Variants in GTF3C3 observed in about 807,000 individuals in gnomAD.
The protein encoded by GTF3C3 is general transcription factor 3C polypeptide 3.
In GTF3C3, 75 loss-of-function variants were observed where a neutral mutation model predicts 105.2. That is an observed-to-expected ratio of 0.71 (90% CI 0.59 to 0.86). The LOEUF is 0.86. GTF3C3 is among the 40% of genes least tolerant of loss of function. The pLI is 0.00. For missense variants in GTF3C3, 856 were observed against 1,076.5 expected, an observed-to-expected ratio of 0.80 and a Z score of 2.87; for synonymous variants, 335 against 370.4, an observed-to-expected ratio of 0.90 and a Z score of 1.10.
rs775071101 is a variant in GTF3C3, at chr2:196,776,156, T to C, written c.1594-45A>G. ...ATGATGAGCCTAACAAGATTCCTTTTCTACAAATTGTTTTATTTGCATAGA... is the reference window on the plus strand; with the variant it reads ...ATGATGAGCCTAACAAGATTCCTTTCCTACAAATTGTTTTATTTGCATAGA... On this transcript the variant is annotated intron_variant, in intron 11 of 17. Transcript: ENST00000263956. The surrounding 1 kb of genome is among the most constrained non-coding windows in gnomAD (Gnocchi z 4.5). 9.7e-7 allele frequency: 1 copy of C among 1,029,130 alleles called. No individual in the cohort carries two copies. The highest frequency in any genetic ancestry group is 2.5e-5 in the East Asian group (1 of 40,806). The allele number at this position is 1,029,130 out of a possible 1,614,324, so 63.7% of individuals were successfully genotyped here.
intron 17 of GTF3C3, among the ~76,000 whole-genome samples, 189 bp downstream of exon 17, chr2:196,766,376 G>T (rs1175431198): frequency 6.6e-6 from 1 of 152,182 alleles, no homozygotes; most frequent in East Asian, 1.9e-4. Flanking sequence ...TGTTCATATG[G>T]TTGCTGGTCA....
At chr2:196,798,007 G>T in intron 1 of GTF3C3, 99 bp from the exon 2 acceptor site, 1 of 726,086 alleles carries the variant, frequency 1.4e-6, no homozygotes, top group Non-Finnish European at 2.5e-6. Flanking sequence ...TGCCACTCGG[G>T]CATTTTGTGA....
chr2:196,790,026 C>A lies in GTF3C3; in HGVS notation c.580G>T (p.Glu194Ter). The A allele has an allele frequency of 6.2e-7, 1 of 1,613,144 alleles. No individual in the cohort carries two copies. The highest frequency in any genetic ancestry group is 8.5e-7 in the Non-Finnish European group (1 of 1,179,672). ...GATTTTTCCATGTCACCTTGGTCCT[C>A]ATATATCATGGCTAGAGTAGAGAAT... Reference protein sequence around the residue: ...EPFSTLAMIYEDQGDMEKSLQ... With the variant: ...EPFSTLAMIY The change falls in exon 5 of 18, where the codon GAG becomes TAG. Residue 194 changes from glutamate (E) to a stop codon, truncating the protein, a stop_gained. Transcript: ENST00000263956. LOFTEE classifies it high-confidence loss of function.
In GTF3C3 at chr2:196,789,988, C is replaced by T. The variant is rs1217213502; in HGVS notation, c.618G>A (p.Glu206=). The change falls in exon 5 of 18, where the codon GAG becomes GAA. Residue 206 remains glutamate (E), a synonymous_variant. Coordinates refer to ENST00000263956, the MANE Select transcript of GTF3C3 (RefSeq NM_012086.5). ...TGGGATTTAAATGCGCAGCAATCAA[C>T]TCAAACTGCAATGATTTTTCCATGT... ...QGDMEKSLQF[E]LIAAHLNPSD... is the part of the protein sequence containing the mutation. 6.2e-7 allele frequency: 1 copy of T among 1,613,588 alleles called. No homozygotes were observed. Among genetic ancestry groups the T allele is most frequent in the Admixed American group, 1.7e-5 (1 of 60,014 alleles).
intron 6 of GTF3C3, among the ~76,000 whole-genome samples, 170 bp downstream of exon 6, chr2:196,789,034 C>A (rs920648271): frequency 6.6e-6 from 1 of 152,148 alleles, no homozygotes; most frequent in Non-Finnish European, 1.5e-5. Context: ...CCATTATACT[C>A]CAGCCTGGGT....
At chr2:196,767,648 A>G (rs7604809) in intron 16 of GTF3C3, among the ~76,000 whole-genome samples, 14 of 152,238 alleles carry the variant, frequency 9.2e-5, no homozygotes, top group Non-Finnish European at 1.8e-4. Context: ...TGCATAATAA[A>G]ATAACCTATT....
At chr2:196,792,211 G>A (rs1283712756) in intron 3 of GTF3C3, among the ~76,000 whole-genome samples, 1 of 152,168 alleles carries the variant, frequency 6.6e-6, no homozygotes, top group Admixed American at 6.5e-5. Context: ...AGGCTGCAGT[G>A]CAGTGGAGTG....
Position 196,789,128 on chromosome 2 carries a change from T to G in GTF3C3, c.893+76A>C, listed in dbSNP as rs575162567. ...TCTTGAACTTCAATGAAAAGTACAT[T>G]CTATTCCAAATATATGCTTTGATTT... On this transcript the variant is annotated intron_variant, in intron 6 of 17. Transcript: ENST00000263956. 120 of 1,228,076 alleles carry G rather than the reference T, an allele frequency of 9.8e-5. 2 individuals carry two copies. The highest frequency in any genetic ancestry group is 6.0e-4 in the South Asian group (41 of 67,884). 76.1% of individuals were successfully genotyped at this position (1,228,076 alleles called of 1,614,324 possible). A position where few individuals can be genotyped will look rare whatever the true frequency, so the allele number is the denominator to read the frequency against.
intron 13 of GTF3C3, 64 bp downstream of exon 13, chr2:196,775,052 T>G: frequency 8.3e-7 from 1 of 1,200,344 alleles, no homozygotes; most frequent in Non-Finnish European, 1.2e-6. Context: ...TGTCCAGTGT[T>G]ACTTCATGAG....
In GTF3C3 at chr2:196,768,123, C is replaced by T. The variant is rs143252192; in HGVS notation, c.2386-1406G>A. ...ACCTCCACCTCCTGGGTTCAAGCGA[C>T]TCTCCTGCCTCAGCCTCCCGAGTAG... On this transcript the variant is annotated intron_variant, in intron 16 of 17. Coordinates refer to ENST00000263956, the MANE Select transcript of GTF3C3 (RefSeq NM_012086.5). Among the ~76,000 whole-genome samples the T allele has an allele frequency of 3.2e-3, 490 of 152,208 alleles. 5 individuals carry two copies. The highest frequency in any genetic ancestry group is 2.8e-3 in the Non-Finnish European group (188 of 67,988).
At position 196,776,418 on chromosome 2, in the gene GTF3C3, A is replaced by G. The variant is rs1699260120; in HGVS notation, c.1593+9T>C. 2.5e-6 allele frequency: 4 copies of G among 1,609,918 alleles called. No homozygotes were observed. The highest frequency in any genetic ancestry group is 2.5e-6 in the Non-Finnish European group (3 of 1,176,838). ...CAAGAAAAACTTCCCTCTATGTGAC[A>G]TGGCCCACCTGCTGTGCAGCATTTG... On this transcript the variant is annotated intron_variant, in intron 11 of 17. Coordinates refer to ENST00000263956, the MANE Select transcript of GTF3C3 (RefSeq NM_012086.5). The surrounding 1 kb of genome is among the most constrained non-coding windows in gnomAD (Gnocchi z 4.5).
intron 3 of GTF3C3, 72 bp downstream of exon 3, chr2:196,792,884 A>G: frequency 1.1e-6 from 1 of 938,270 alleles, no homozygotes; most frequent in South Asian, 1.4e-5. Context: ...TTTCCCAGGT[A>G]TAACTTACAG....
At chr2:196,788,816 G>C (rs1699496820) in intron 6 of GTF3C3, among the ~76,000 whole-genome samples, 1 of 152,098 alleles carries the variant, frequency 6.6e-6, no homozygotes, top group Non-Finnish European at 1.5e-5. Flanking sequence ...TGTAATCCTA[G>C]CATTTTGGGA....
At chr2:196,780,396 G>A in intron 9 of GTF3C3, 163 bp downstream of exon 9, 6 of 1,275,292 alleles carry the variant, frequency 4.7e-6, no homozygotes, top group Non-Finnish European at 5.0e-6. Context: ...AACAATTTTA[G>A]TTTTTATAAG....
chr2:196,770,916 T>C (rs548868554), intron 15 of GTF3C3, among the ~76,000 whole-genome samples: 1 of 152,274 alleles, frequency 6.6e-6, no homozygotes, highest in East Asian at 1.9e-4. Context: ...ATCTGATGTT[T>C]GAGGTTACTG....
chr2:196,792,291 G>C (rs1699563096), intron 3 of GTF3C3, among the ~76,000 whole-genome samples: 1 of 152,088 alleles, frequency 6.6e-6, no homozygotes, highest in African/African-American at 2.4e-5. Flanking sequence ...AGAGTAGCTA[G>C]GACAACAGGA....
chr2:196,791,541 CATATAA>C, intron 3 of GTF3C3, 81 bp from the exon 4 acceptor site: 1 of 1,252,878 alleles, frequency 8.0e-7, no homozygotes, highest in Non-Finnish European at 1.1e-6. Flanking sequence ...ATAAATATAG[CATATAA>C]TGAAACTGAA....
chr2:196,795,898 C>A (rs556499149), intron 2 of GTF3C3, among the ~76,000 whole-genome samples: 1 of 152,296 alleles, frequency 6.6e-6, no homozygotes, highest in South Asian at 2.1e-4. Context: ...AATAAATCTA[C>A]ATACAAACTA....
In GTF3C3 at chr2:196,786,934, T is replaced by A. The variant is rs1396218268; in HGVS notation, c.894-1346A>T. On this transcript the variant is annotated intron_variant, in intron 6 of 17. Coordinates refer to ENST00000263956, the MANE Select transcript of GTF3C3 (RefSeq NM_012086.5). This position sits in a 1 kb window ranked among gnomAD's most constrained non-coding sequence, Gnocchi z 4.2. The stretch of plus-strand genomic sequence containing the variant: ...TCACACAGATGATCATCCCTCCTAC[T>A]TGAAGTTCTTTCTTCAATTAAATTC... Among the ~76,000 whole-genome samples the A allele has an allele frequency of 2.0e-5, 3 of 152,166 alleles. No homozygotes were observed. The highest frequency in any genetic ancestry group is 7.2e-5 in the African/African-American group (3 of 41,436).
Sources: allele counts gnomAD v4.1 joint callset (sites outside exome capture counted in the v4.1 genomes callset), GRCh38; gene constraint gnomAD v4.1.1; non-coding constraint Gnocchi (gnomAD v3.1); transcripts MANE v1.5; gene names NCBI Gene and HGNC (gene_info 2026-07-23, HGNC 2026-07-21).